The following SMAD2 variants were observed in gnomAD, a reference collection of about 807,000 sequenced individuals.
SMAD2 encodes the protein SMAD family member 2, also known as MAD homolog 2.
SMAD2 carries 8 observed loss-of-function variants against 64.4 expected under a neutral mutation model. The observed-to-expected ratio is 0.12, with a 90% CI of 0.07 to 0.22. The LOEUF (loss-of-function observed/expected upper bound fraction) is 0.22, where lower values mean the gene tolerates loss of function less well. Ranked by LOEUF, SMAD2 falls within the 10% of genes least tolerant of loss-of-function variation. The probability of loss-of-function intolerance (pLI) is 1.00; values close to 1 mark genes in which losing one functional copy is unlikely to be tolerated. For synonymous variants in SMAD2, 203 were observed against 195.8 expected (o/e 1.04, Z -0.31); for missense variants, 289 against 561.2 (o/e 0.51, Z 4.90).
At position 47,818,307 on chromosome 18, in the gene SMAD2, C is replaced by G. The variant is rs1912441852; in HGVS notation, c.*23520G>C. ...ATAATAGTTCCCTGGCAACCAACACCTAGAATTAAGAAGTATCCCTTTTAA... is the reference window on the plus strand; with the variant it reads ...ATAATAGTTCCCTGGCAACCAACACGTAGAATTAAGAAGTATCCCTTTTAA... On this transcript the variant is annotated 3_prime_UTR_variant, in exon 11 of 11. Transcript: ENST00000262160. 1 of 152,102 alleles carries G rather than the reference C, an allele frequency of 6.6e-6. No homozygotes were observed. The highest frequency in any genetic ancestry group is 2.4e-5 in the African/African-American group (1 of 41,418). 9.4% of individuals were successfully genotyped at this position (152,102 alleles called of 1,614,324 possible). A position where few individuals can be genotyped will look rare whatever the true frequency, so the allele number is the denominator to read the frequency against.
intron 1 of SMAD2, among the ~76,000 whole-genome samples, chr18:47,918,058 C>G (rs566211124): frequency 6.6e-6 from 1 of 152,110 alleles, no homozygotes; most frequent in Admixed American, 6.5e-5. Context: ...CAGCAAGTCA[C>G]GGCAGGAACT....
In SMAD2 at chr18:47,822,064, A is replaced by T. The variant is rs879818892; in HGVS notation, c.*19763T>A. On this transcript the variant is annotated 3_prime_UTR_variant, in exon 11 of 11. Coordinates refer to ENST00000262160, the MANE Select transcript of SMAD2 (RefSeq NM_005901.6). ...AGGCTTCTTTGATGTATTAAATTGTATGAAAAGCATTGTCTAATGATGTAA... is the reference window on the plus strand; with the variant it reads ...AGGCTTCTTTGATGTATTAAATTGTTTGAAAAGCATTGTCTAATGATGTAA... The T allele has an allele frequency of 5.3e-5, 8 of 152,220 alleles. No homozygotes were observed. Among genetic ancestry groups the T allele is most frequent in the Admixed American group, 5.2e-4 (8 of 15,276 alleles). The allele number at this position is 152,220 out of a possible 1,614,324, so 9.4% of individuals were successfully genotyped here.
chr18:47,924,264 A>C (rs960008187), intron 1 of SMAD2, among the ~76,000 whole-genome samples: 3 of 151,434 alleles, frequency 2.0e-5, no homozygotes, highest in South Asian at 2.1e-4. Flanking sequence ...AAAAAAAAAA[A>C]AGAATTTTAA....
rs1407506032 is a variant in SMAD2 at position 47,815,523 on chromosome 18, G to A, written c.*26304C>T. 1 of 152,222 alleles carries A rather than the reference G, an allele frequency of 6.6e-6. No homozygotes were observed. Among genetic ancestry groups the A allele is most frequent in the African/African-American group, 2.4e-5 (1 of 41,460 alleles). 9.4% of individuals were successfully genotyped at this position (152,222 alleles called of 1,614,324 possible). On this transcript the variant is annotated 3_prime_UTR_variant, in exon 11 of 11. Coordinates refer to ENST00000262160, the MANE Select transcript of SMAD2 (RefSeq NM_005901.6). ...GCTAAAGCAGAATCTCACAATTGAG[G>A]CCAGGGAACCTACATTTTAGAAGCT...
chr18:47,848,830 T>C, intron 7 of SMAD2, 143 bp from the exon 8 acceptor site: 1 of 655,732 alleles, frequency 1.5e-6, no homozygotes, highest in South Asian at 1.9e-5. Context: ...ATAGTATCTG[T>C]ATCGGTTTCC....
At chr18:47,907,531 T>C (rs374309545) in intron 1 of SMAD2, among the ~76,000 whole-genome samples, 9 of 152,346 alleles carry the variant, frequency 5.9e-5, no homozygotes, top group African/African-American at 1.9e-4. Context: ...AAGCACAAAG[T>C]ACCTTTCTAC....
At chr18:47,879,774 G>C (rs2032481046) in intron 2 of SMAD2, among the ~76,000 whole-genome samples, 1 of 152,120 alleles carries the variant, frequency 6.6e-6, no homozygotes, top group Admixed American at 6.6e-5. Context: ...ATTTTCCAGA[G>C]TACGATTTTA....
At chr18:47,863,708 C>G (rs759507065) in intron 6 of SMAD2, among the ~76,000 whole-genome samples, 6 of 152,132 alleles carry the variant, frequency 3.9e-5, no homozygotes, top group Non-Finnish European at 8.8e-5. Context: ...TGATGGACAT[C>G]TGAGTTGTTT....
chr18:47,896,874 A>T, intron 1 of SMAD2, 65 bp from the exon 2 acceptor site: 1 of 1,446,534 alleles, frequency 6.9e-7, no homozygotes, highest in Non-Finnish European at 9.4e-7. Context: ...ATTTCAACTT[A>T]TCATAGAAAG....
intron 2 of SMAD2, among the ~76,000 whole-genome samples, chr18:47,883,654 C>A (rs1234757539): frequency 2.0e-5 from 3 of 152,096 alleles, no homozygotes; most frequent in African/African-American, 7.2e-5. Context: ...TAAGCAGATA[C>A]AATTTATTGT....
intron 1 of SMAD2, among the ~76,000 whole-genome samples, chr18:47,919,143 G>C (rs183786373): frequency 6.6e-6 from 1 of 152,222 alleles, no homozygotes; most frequent in South Asian, 2.1e-4. Context: ...TTTGTCAACA[G>C]TATACTGTAA....
intron 6 of SMAD2, among the ~76,000 whole-genome samples, chr18:47,852,581 A>G (rs1255578476): frequency 2.6e-5 from 4 of 152,234 alleles, no homozygotes; most frequent in African/African-American, 7.2e-5. Context: ...AAATAGTATT[A>G]TAACAGCATA....
intron 1 of SMAD2, among the ~76,000 whole-genome samples, chr18:47,915,225 A>G (rs2034287138): frequency 6.6e-6 from 1 of 152,158 alleles, no homozygotes; most frequent in African/African-American, 2.4e-5. Context: ...TGCTTCTCAG[A>G]GATTATCACT....
intron 6 of SMAD2, among the ~76,000 whole-genome samples, chr18:47,861,783 C>T (rs1332247700): frequency 6.6e-6 from 1 of 152,172 alleles, no homozygotes; most frequent in Non-Finnish European, 1.5e-5. Context: ...TTGTGCAATC[C>T]ACTATCTTCC....
intron 1 of SMAD2, among the ~76,000 whole-genome samples, chr18:47,901,274 C>T (rs973985418): frequency 2.0e-5 from 3 of 152,118 alleles, no homozygotes; most frequent in African/African-American, 7.2e-5. Context: ...TCTTTTTCTA[C>T]TACTGTTTAT....
intron 6 of SMAD2, among the ~76,000 whole-genome samples, chr18:47,861,023 G>C (rs939867601): frequency 5.3e-5 from 8 of 152,116 alleles, no homozygotes; most frequent in South Asian, 4.2e-4. Context: ...GTCTTAGTTA[G>C]GACAGAAAAA....
intron 6 of SMAD2, among the ~76,000 whole-genome samples, chr18:47,863,962 G>C (rs1210460059): frequency 6.6e-6 from 1 of 151,964 alleles, no homozygotes; most frequent in African/African-American, 2.4e-5. Flanking sequence ...TTTGATTATA[G>C]CATCTAGTAG....
intron 1 of SMAD2, among the ~76,000 whole-genome samples, chr18:47,914,270 G>C (rs1428248766): frequency 6.6e-6 from 1 of 152,106 alleles, no homozygotes; most frequent in Non-Finnish European, 1.5e-5. Flanking sequence ...AACACACAAA[G>C]CTGTATTTTA....
At chr18:47,920,865 A>G (rs1279808178) in intron 1 of SMAD2, among the ~76,000 whole-genome samples, 1 of 152,248 alleles carries the variant, frequency 6.6e-6, no homozygotes, top group African/African-American at 2.4e-5. Context: ...TGATATATTC[A>G]GACACCCGGC....
Sources: allele counts gnomAD v4.1 joint callset (sites outside exome capture counted in the v4.1 genomes callset), GRCh38; gene constraint gnomAD v4.1.1; transcripts MANE v1.5; gene names NCBI Gene and HGNC (gene_info 2026-07-23, HGNC 2026-07-21).